CCDC39: variants seen among roughly 807,000 people sequenced by gnomAD.
The protein encoded by CCDC39 is coiled-coil domain 39 molecular ruler complex subunit.
CCDC39 carries 113 observed loss-of-function variants against 121.0 expected under a neutral mutation model. That is an observed-to-expected ratio of 0.93 (90% confidence interval 0.80 to 1.09). The LOEUF (loss-of-function observed/expected upper bound fraction) is 1.09, where lower values mean the gene tolerates loss of function less well. CCDC39 is among the 50% of genes least tolerant of loss of function. The pLI is 0.00. For synonymous variants in CCDC39, 349 were observed against 352.2 expected (o/e 0.99, Z 0.10); for missense variants, 1,063 against 1,074.7 (o/e 0.99, Z 0.15).
At chr3:180,644,418 T>C (rs1718027089) in intron 11 of CCDC39, among the ~76,000 whole-genome samples, 161 bp from the exon 12 acceptor site, 1 of 152,216 alleles carries the variant, frequency 6.6e-6, no homozygotes, top group Non-Finnish European at 1.5e-5. Context: ...TGTAATATAA[T>C]ACACATGGAT....
intron 16 of CCDC39, chr3:180,617,616 A>T: frequency 2.5e-6 from 1 of 407,888 alleles, no homozygotes; most frequent in Non-Finnish European, 4.3e-6. Flanking sequence ...CAAAAAAATT[A>T]AAAAGTAAAA....
intron 1 of CCDC39, among the ~76,000 whole-genome samples, chr3:180,666,913 A>G (rs1433455623): frequency 6.6e-6 from 1 of 152,052 alleles, no homozygotes; most frequent in Non-Finnish European, 1.5e-5. Context: ...TGGAGAAGAT[A>G]TTTTACCCCT....
chr3:180,625,719 C>A (rs942359559), intron 14 of CCDC39, among the ~76,000 whole-genome samples: 4 of 151,758 alleles, frequency 2.6e-5, no homozygotes, highest in African/African-American at 9.7e-5. Flanking sequence ...GTAGTGTGGT[C>A]TTTGTATGAT....
chr3:180,648,785 G>A (rs1718132892), intron 9 of CCDC39, among the ~76,000 whole-genome samples: 1 of 152,132 alleles, frequency 6.6e-6, no homozygotes, highest in South Asian at 2.1e-4. Context: ...GCAGGTAAAT[G>A]TTAAATGTTT....
rs959085488 is a variant in CCDC39 at position 180,614,887 on chromosome 3, G to A, written c.*34C>T. ...TATTTTAAAGTATATTTTTGTTTTT[G>A]TGTTTACAACTTTTTCAGAAGAGAT... On this transcript the variant is annotated 3_prime_UTR_variant, in exon 20 of 20. Transcript: ENST00000476379. 3.3e-6 allele frequency: 5 copies of A among 1,513,012 alleles called. No individual in the cohort carries two copies. The African/African-American group carries it at 4.2e-5, about 13-fold the overall frequency. 93.7% of individuals were successfully genotyped at this position (1,513,012 alleles called of 1,614,324 possible). A position where few individuals can be genotyped will look rare whatever the true frequency, so the allele number is the denominator to read the frequency against.
At chr3:180,655,321 T>G (rs572103920) in intron 6 of CCDC39, among the ~76,000 whole-genome samples, 2 of 151,700 alleles carry the variant, frequency 1.3e-5, no homozygotes, top group Admixed American at 6.6e-5. Flanking sequence ...ACAGACCGGT[T>G]TTTTTTTAGT....
At chr3:180,644,388 ATCTC>A (rs1191571167) in intron 11 of CCDC39, 131 bp from the exon 12 acceptor site, 5 of 558,232 alleles carry the variant, frequency 9.0e-6, no homozygotes, top group East Asian at 3.4e-5. Flanking sequence ...ATGTTTTATT[ATCTC>A]TCTTTCTGCT....
At chr3:180,649,792 T>C (rs546859482) in intron 9 of CCDC39, among the ~76,000 whole-genome samples, 4 of 152,360 alleles carry the variant, frequency 2.6e-5, no homozygotes, top group Non-Finnish European at 5.9e-5. Flanking sequence ...TCTGAAGTTT[T>C]TAATTCTCTG....
At chr3:180,650,066 C>T (rs909704027) in intron 9 of CCDC39, among the ~76,000 whole-genome samples, 1 of 152,096 alleles carries the variant, frequency 6.6e-6, no homozygotes, top group Non-Finnish European at 1.5e-5. Context: ...GGAGATTTTG[C>T]CACCATCTTC....
At position 180,679,323 on chromosome 3, in the gene CCDC39, C is replaced by T; in HGVS notation, c.58G>A (p.Ala20Thr). The T allele has an allele frequency of 1.2e-6, 2 of 1,613,960 alleles. No homozygotes were observed. The highest frequency in any genetic ancestry group is 1.7e-6 in the Non-Finnish European group (2 of 1,179,870). The change falls in exon 1 of 20, where the codon GCG becomes ACG. Residue 20 changes from alanine (A) to threonine (T), a missense_variant. Physicochemically the swap from Ala to Thr is moderately conservative, Grantham distance 58 (BLOSUM62 0). Coordinates refer to ENST00000476379, the MANE Select transcript of CCDC39 (RefSeq NM_181426.2). This position sits in a 1 kb window ranked among gnomAD's most constrained non-coding sequence, Gnocchi z 4.0. The part of the protein sequence containing the change: ...HWEDGFAIPV[A>T]NEENKLLEDQ... ...TCCAGTAGCTTGTTCTCCTCGTTCG[C>T]CACCGGGATGGCGAACCCATCCTCC...
rs1717541026 is a variant in CCDC39 at position 180,625,599 on chromosome 3, A to C, written c.1999-5629T>G. 1.3e-5 allele frequency among the ~76,000 whole-genome samples: 2 copies of C among 152,080 alleles called. 1 individual carries two copies. The highest frequency in any genetic ancestry group is 3.9e-4 in the East Asian group (2 of 5,178). ...TGTGTCCTTCCATTGATAGATGCATATCTCATGTAACAGTTGCTTCTGCTA... is the reference window on the plus strand; with the variant it reads ...TGTGTCCTTCCATTGATAGATGCATCTCTCATGTAACAGTTGCTTCTGCTA... On this transcript the variant is annotated intron_variant, in intron 14 of 19. Transcript: ENST00000476379.
At position 180,644,276 on chromosome 3, in the gene CCDC39, G is replaced by A; in HGVS notation, c.1528-19C>T. On this transcript the variant is annotated intron_variant, in intron 11 of 19. Coordinates refer to ENST00000476379, the MANE Select transcript of CCDC39 (RefSeq NM_181426.2). ...GATCATTCTGCAAAAAAGAAAAAAG[G>A]TATATAAATGTATGTTTTAAATATT... 7.0e-7 allele frequency: 1 copy of A among 1,419,118 alleles called. No individual in the cohort carries two copies. Among genetic ancestry groups the A allele is most frequent in the Middle Eastern group, 2.0e-4 (1 of 5,008 alleles). 87.9% of individuals were successfully genotyped at this position (1,419,118 alleles called of 1,614,324 possible). A position where few individuals can be genotyped will look rare whatever the true frequency, so the allele number is the denominator to read the frequency against.
chr3:180,616,317 C>T lies in CCDC39; in HGVS notation c.2633G>A (p.Ser878Asn), dbSNP rs1212801843. ...TGAAGTATGTGAAGGAGATCTAGAG[C>T]TCTGACGACTGCCTTTTGTGCTAGC... ...PTASTKGSRQ[S>N]SRSPSHTSLS... is the part of the protein sequence containing the mutation. Residue 878 changes from serine to asparagine, a missense_variant, in exon 19 of 20, where the codon AGC becomes AAC. Transcript: ENST00000476379. The T allele has an allele frequency of 1.2e-6, 2 of 1,613,226 alleles. No homozygotes were observed. Among genetic ancestry groups the T allele is most frequent in the African/African-American group, 1.3e-5 (1 of 74,848 alleles).
chr3:180,643,530 TA>T (rs1718007478), intron 12 of CCDC39, among the ~76,000 whole-genome samples: 1 of 152,196 alleles, frequency 6.6e-6, no homozygotes, highest in Non-Finnish European at 1.5e-5. Flanking sequence ...AACAATTTTT[TA>T]AATTAGGATA....
intron 12 of CCDC39, among the ~76,000 whole-genome samples, chr3:180,642,906 G>T (rs1400935988): frequency 3.3e-5 from 5 of 150,244 alleles, no homozygotes; most frequent in African/African-American, 1.2e-4. Flanking sequence ...CACAAACACT[G>T]AATAAAAATG....
intron 13 of CCDC39, among the ~76,000 whole-genome samples, chr3:180,640,076 G>A (rs181685491): frequency 3.7e-4 from 57 of 152,182 alleles, no homozygotes; most frequent in Admixed American, 7.2e-4. Flanking sequence ...GGGAAGGACC[G>A]AAGGGAGGAA....
intron 14 of CCDC39, among the ~76,000 whole-genome samples, chr3:180,630,992 G>C (rs1224140526): frequency 2.0e-5 from 3 of 152,172 alleles, no homozygotes; most frequent in African/African-American, 7.2e-5. Flanking sequence ...CTATAGTGAA[G>C]TAAAGGAAAG....
rs1024412889 is a variant in CCDC39 at position 180,652,150 on chromosome 3, G to A, written c.1034+13C>T. On this transcript the variant is annotated intron_variant, in intron 8 of 19. Transcript: ENST00000476379. ...AAATAATCATAAACATATTTAGATAGTTTTTTTCTTACCTTGCTGTTTCTT... is the reference window on the plus strand; with the variant it reads ...AAATAATCATAAACATATTTAGATAATTTTTTTCTTACCTTGCTGTTTCTT... The A allele has an allele frequency of 2.3e-6, 3 of 1,325,712 alleles. 1 individual carries two copies. The Admixed American group carries it at 7.0e-5, about 31-fold the overall frequency. The allele number at this position is 1,325,712 out of a possible 1,614,324, so 82.1% of individuals were successfully genotyped here.
At chr3:180,659,362 A>G in intron 6 of CCDC39, 90 bp downstream of exon 6, 1 of 1,507,210 alleles carries the variant, frequency 6.6e-7, no homozygotes, top group East Asian at 2.3e-5. Flanking sequence ...TGACTTTCAA[A>G]TAACAATGTG....
Sources: gnomAD v4.1 joint callset for allele counts (sites outside exome capture counted in the v4.1 genomes callset) on GRCh38, gnomAD v4.1.1 for gene constraint, Gnocchi (gnomAD v3.1) non-coding constraint, MANE v1.5 for transcripts, NCBI Gene and HGNC (gene_info 2026-07-23, HGNC 2026-07-21) for gene names.